The following SLC47A2 variants were observed in gnomAD, a reference collection of about 807,000 sequenced individuals.
SLC47A2 encodes the protein multidrug and toxin extrusion protein 2.
A neutral mutation model predicts 67.7 loss-of-function variants in SLC47A2; 52 were observed. The observed-to-expected ratio is 0.77, with a 90% CI of 0.61 to 0.97. SLC47A2 has a LOEUF of 0.97. Ranked by LOEUF, SLC47A2 falls within the 50% of genes least tolerant of loss-of-function variation. SLC47A2 has a pLI of 0.00. For synonymous variants in SLC47A2, 278 were observed against 292.9 expected (o/e 0.95, Z 0.52); for missense variants, 676 against 712.3 (o/e 0.95, Z 0.58).
chr17:19,695,877 T>C (rs935702142), intron 13 of SLC47A2, among the ~76,000 whole-genome samples: 21 of 151,740 alleles, frequency 1.4e-4, no homozygotes, highest in Non-Finnish European at 2.8e-4. Flanking sequence ...GTGTGTGCCA[T>C]CACGCCCAGC....
At position 19,678,449 on chromosome 17, in the gene SLC47A2, T is replaced by C; in HGVS notation, c.*237A>G. 1 of 553,552 alleles carries C rather than the reference T, an allele frequency of 1.8e-6. No individual in the cohort carries two copies. The highest frequency in any genetic ancestry group is 3.2e-6 in the Non-Finnish European group (1 of 309,664). The allele number at this position is 553,552 out of a possible 1,614,324, so 34.3% of individuals were successfully genotyped here. ...CTGACTCGTGCAGTTGGCTGATGTC[T>C]TCTGTAGAGCAGTCCAAGTCACAGA... On this transcript the variant is annotated 3_prime_UTR_variant, in exon 17 of 17. Transcript: ENST00000433844.
At chr17:19,679,608 T>C (rs1206561089) in intron 16 of SLC47A2, among the ~76,000 whole-genome samples, 1 of 152,178 alleles carries the variant, frequency 6.6e-6, no homozygotes, top group Non-Finnish European at 1.5e-5. Flanking sequence ...CTCTTGAATC[T>C]GACGGGTTGA....
intron 15 of SLC47A2, 129 bp downstream of exon 15, chr17:19,681,238 A>T (rs368537968): frequency 4.1e-6 from 3 of 732,464 alleles, no homozygotes; most frequent in South Asian, 1.9e-5. Flanking sequence ...AAAAAAAAAA[A>T]CACCTGCAGC....
intron 3 of SLC47A2, 107 bp from the exon 4 acceptor site, chr17:19,714,080 G>C: frequency 7.0e-7 from 1 of 1,438,200 alleles, no homozygotes; most frequent in South Asian, 1.4e-5. Context: ...TGGCGGACCC[G>C]GCGGCCTCTG....
intron 13 of SLC47A2, among the ~76,000 whole-genome samples, chr17:19,684,725 A>G (rs887382265): frequency 6.6e-6 from 1 of 151,978 alleles, no homozygotes; most frequent in Non-Finnish European, 1.5e-5. Context: ...AAAGTTAAAA[A>G]ATAAATAGAT....
rs928112651 is a variant in SLC47A2 at position 19,714,728 on chromosome 17, A to G, written c.287T>C (p.Met96Thr). ...CTCCAGGAGGCCACCCACCTGAGACATCAAGGTGTCACATGCCGAAGACAA... is the reference window on the plus strand; with the variant it reads ...CTCCAGGAGGCCACCCACCTGAGACGTCAAGGTGTCACATGCCGAAGACAA... ...VGLSSACDTL[M>T]SQSFGSPNKK... Residue 96 changes from methionine (M) to threonine (T), a missense_variant, in exon 3 of 17, where the codon ATG becomes ACG. Physicochemically the swap from Met to Thr is moderately conservative, Grantham distance 81. Transcript: ENST00000433844. 1 of 1,614,090 alleles carries G rather than the reference A, an allele frequency of 6.2e-7. No individual in the cohort carries two copies. The highest frequency in any genetic ancestry group is 8.5e-7 in the Non-Finnish European group (1 of 1,180,036).
intron 13 of SLC47A2, chr17:19,702,311 G>C (rs747599137): frequency 1.2e-4 from 116 of 985,216 alleles, no homozygotes; most frequent in Non-Finnish European, 1.4e-4. Flanking sequence ...CATGGTCCCA[G>C]CTCATGAGGA....
At chr17:19,713,641 C>T (rs1283420390) in intron 4 of SLC47A2, among the ~76,000 whole-genome samples, 184 bp downstream of exon 4, 1 of 152,256 alleles carries the variant, frequency 6.6e-6, no homozygotes, top group Non-Finnish European at 1.5e-5. Context: ...CTGGTCACTG[C>T]TGGAGCCGCA....
intron 12 of SLC47A2, 47 bp downstream of exon 12, chr17:19,703,045 C>G (rs897296913): frequency 2.5e-6 from 4 of 1,572,588 alleles, no homozygotes; most frequent in East Asian, 2.2e-5. Flanking sequence ...ACACTGGGAA[C>G]CACTTTGACA....
Position 19,703,176 on chromosome 17 carries a change from G to A in SLC47A2, c.1019-9C>T, listed in dbSNP as rs200226278. ...GACCAGGGAAATGCCAACTGGAAGAGACAAAAGGTGCAGCAATGACAGACC... is the reference window on the plus strand; with the variant it reads ...GACCAGGGAAATGCCAACTGGAAGAAACAAAAGGTGCAGCAATGACAGACC... On this transcript the variant is annotated splice_polypyrimidine_tract_variant and intron_variant, in intron 11 of 16. Coordinates refer to ENST00000433844, the MANE Select transcript of SLC47A2 (RefSeq NM_001099646.3). The A allele has an allele frequency of 6.2e-7, 1 of 1,613,942 alleles. No homozygotes were observed. Among genetic ancestry groups the A allele is most frequent in the South Asian group, 1.1e-5 (1 of 91,074 alleles).
At chr17:19,682,116 A>C (rs1384916822) in intron 13 of SLC47A2, among the ~76,000 whole-genome samples, 1 of 152,178 alleles carries the variant, frequency 6.6e-6, no homozygotes, top group African/African-American at 2.4e-5. Context: ...CTGTAATCCC[A>C]GCACTTTAGG....
intron 13 of SLC47A2, among the ~76,000 whole-genome samples, chr17:19,683,956 A>G (rs1366562457): frequency 1.3e-5 from 2 of 152,258 alleles, no homozygotes; most frequent in Non-Finnish European, 2.9e-5. Flanking sequence ...AGGAGACAGG[A>G]GTCACAGAAT....
rs772982196 is a variant in SLC47A2 at position 19,708,289 on chromosome 17, C to T, written c.629+13G>A. 1 of 1,611,772 alleles carries T rather than the reference C, an allele frequency of 6.2e-7. No homozygotes were observed. Among genetic ancestry groups the T allele is most frequent in the South Asian group, 1.1e-5 (1 of 90,986 alleles). ...GTGTCCCCTGACCAGGCCCCACCAG[C>T]CCCCGGGCTCACCTGACCCCCAGGT... On this transcript the variant is annotated intron_variant, in intron 7 of 16. Coordinates refer to ENST00000433844, the MANE Select transcript of SLC47A2 (RefSeq NM_001099646.3).
intron 1 of SLC47A2, 112 bp downstream of exon 1, chr17:19,716,321 G>T (rs1234021005): frequency 6.9e-7 from 1 of 1,439,656 alleles, no homozygotes; most frequent in Non-Finnish European, 9.2e-7. Context: ...GTCAACATGG[G>T]CAGTTTCTGG....
At chr17:19,710,346 A>C (rs2086060680) in intron 5 of SLC47A2, among the ~76,000 whole-genome samples, 1 of 152,258 alleles carries the variant, frequency 6.6e-6, no homozygotes, top group Non-Finnish European at 1.5e-5. Flanking sequence ...TATGTAATAA[A>C]TGGTGTTCAA....
intron 13 of SLC47A2, chr17:19,702,126 A>T: frequency 1.0e-6 from 1 of 983,636 alleles, no homozygotes; most frequent in South Asian, 4.7e-5. Flanking sequence ...AAAAAAAATT[A>T]CATAATTCAA....
chr17:19,704,754 G>C, intron 10 of SLC47A2: 1 of 1,480,152 alleles, frequency 6.8e-7, no homozygotes, highest in Non-Finnish European at 9.2e-7. Flanking sequence ...GCCCTGCTGG[G>C]GACGCTGTCA....
chr17:19,687,838 G>A (rs1207648201), intron 13 of SLC47A2, among the ~76,000 whole-genome samples: 1 of 152,088 alleles, frequency 6.6e-6, no homozygotes, highest in African/African-American at 2.4e-5. Flanking sequence ...TGAGATTGAA[G>A]CTGTAATAAT....
chr17:19,687,745 C>A (rs1158704722), intron 13 of SLC47A2, among the ~76,000 whole-genome samples: 1 of 152,144 alleles, frequency 6.6e-6, no homozygotes, highest in Non-Finnish European at 1.5e-5. Context: ...AAACCTAGAA[C>A]TGGATAAATT....
Sources: gnomAD v4.1 joint callset for allele counts (sites outside exome capture counted in the v4.1 genomes callset) on GRCh38, gnomAD v4.1.1 for gene constraint, MANE v1.5 for transcripts, NCBI Gene and HGNC (gene_info 2026-07-23, HGNC 2026-07-21) for gene names.